Variants in GRID2 observed in about 807,000 individuals in gnomAD.
GRID2 encodes the protein glutamate ionotropic receptor delta type subunit 2, also known as glutamate receptor ionotropic, delta-2.
In GRID2, 33 loss-of-function variants were observed where a neutral mutation model predicts 114.8. The observed-to-expected ratio is 0.29, with a 90% CI of 0.22 to 0.38. The LOEUF (loss-of-function observed/expected upper bound fraction) is 0.38. Ranked by LOEUF, GRID2 falls within the 10% of genes least tolerant of loss-of-function variation. The probability of loss-of-function intolerance (pLI) is 1.00; values close to 1 mark genes in which losing one functional copy is unlikely to be tolerated. For synonymous variants in GRID2, 505 were observed against 449.9 expected, an observed-to-expected ratio of 1.12 and a Z score of -1.55; for missense variants, 1,184 against 1,257.7, an observed-to-expected ratio of 0.94 and a Z score of 0.89.
At chr4:93,483,477 C>T (rs1580210533) in intron 11 of GRID2, among the ~76,000 whole-genome samples, 1 of 151,748 alleles carries the variant, frequency 6.6e-6, no homozygotes, top group East Asian at 1.9e-4. Context: ...GTGGATTTAC[C>T]AAACAACCAA....
At chr4:92,946,786 A>G (rs1751668700) in intron 2 of GRID2, among the ~76,000 whole-genome samples, 1 of 152,076 alleles carries the variant, frequency 6.6e-6, no homozygotes. Context: ...GAACTTGGTA[A>G]AGCACTGGTT....
intron 2 of GRID2, among the ~76,000 whole-genome samples, chr4:92,595,875 C>T (rs1279192036): frequency 6.6e-6 from 1 of 152,052 alleles, no homozygotes; most frequent in African/African-American, 2.4e-5. Flanking sequence ...TCTAAATAGT[C>T]TAGTCCAAAG....
At chr4:92,955,834 T>A (rs945385869) in intron 2 of GRID2, among the ~76,000 whole-genome samples, 1 of 152,172 alleles carries the variant, frequency 6.6e-6, no homozygotes, top group East Asian at 1.9e-4. Context: ...TTTCTACATA[T>A]GGCTAGCCAG....
At chr4:92,559,963 A>G (rs1453842172) in intron 1 of GRID2, among the ~76,000 whole-genome samples, 1 of 152,228 alleles carries the variant, frequency 6.6e-6, no homozygotes, top group Non-Finnish European at 1.5e-5. Context: ...TCAAATCAGT[A>G]TAATTTTTAA....
intron 8 of GRID2, among the ~76,000 whole-genome samples, chr4:93,246,719 G>A (rs550091326): frequency 6.6e-6 from 1 of 151,880 alleles, no homozygotes; most frequent in Non-Finnish European, 1.5e-5. Context: ...AGCTCCATCA[G>A]CTTTTATTCT....
chr4:92,670,766 A>G (rs1733019095), intron 2 of GRID2, among the ~76,000 whole-genome samples: 1 of 152,042 alleles, frequency 6.6e-6, no homozygotes, highest in South Asian at 2.1e-4. Flanking sequence ...TGAAGTAGGT[A>G]GTATTGTTAT....
chr4:92,737,753 C>A (rs1736668604), intron 2 of GRID2, among the ~76,000 whole-genome samples: 1 of 152,086 alleles, frequency 6.6e-6, no homozygotes, highest in African/African-American at 2.4e-5. Flanking sequence ...ATAGGGTATT[C>A]TCAATATTTT....
intron 2 of GRID2, among the ~76,000 whole-genome samples, chr4:92,766,162 T>C (rs865804861): frequency 2.6e-5 from 4 of 152,304 alleles, no homozygotes; most frequent in Non-Finnish European, 2.9e-5. Context: ...TAAGTTAAAA[T>C]GACATTAGTC....
chr4:92,578,726 A>G (rs935560105), intron 1 of GRID2, among the ~76,000 whole-genome samples: 10 of 113,062 alleles, frequency 8.8e-5, no homozygotes, highest in African/African-American at 3.2e-4. Context: ...TTATCTATCT[A>G]TCTATCAATC....
chr4:93,365,697 A>G (rs183741831), intron 8 of GRID2, among the ~76,000 whole-genome samples: 2 of 152,170 alleles, frequency 1.3e-5, no homozygotes, highest in Non-Finnish European at 2.9e-5. Flanking sequence ...GATAGTTCTC[A>G]TATAGTTCAG....
chr4:93,749,087 C>T (rs1254415621), intron 14 of GRID2, among the ~76,000 whole-genome samples: 1 of 152,054 alleles, frequency 6.6e-6, no homozygotes, highest in Non-Finnish European at 1.5e-5. Context: ...GGGATCCCTG[C>T]TTTATTCCTC....
chr4:93,010,867 T>A (rs980528859), intron 2 of GRID2, among the ~76,000 whole-genome samples: 9 of 152,092 alleles, frequency 5.9e-5, no homozygotes, highest in African/African-American at 1.9e-4. Context: ...TTGTTTGAGT[T>A]TTCTTCATTT....
intron 2 of GRID2, among the ~76,000 whole-genome samples, chr4:92,717,994 TTATAG>T (rs1172248933): frequency 8.5e-5 from 13 of 152,288 alleles, no homozygotes; most frequent in Admixed American, 6.5e-5. Context: ...TCATACAAAA[TTATAG>T]TATATTTACT....
At chr4:92,459,701 A>G (rs1481142000) in intron 1 of GRID2, among the ~76,000 whole-genome samples, 1 of 151,978 alleles carries the variant, frequency 6.6e-6, no homozygotes, top group Admixed American at 6.6e-5. Context: ...GGCTAATTTC[A>G]TGTATCAAGC....
chr4:92,943,065 G>C (rs1022456561), intron 2 of GRID2, among the ~76,000 whole-genome samples: 1 of 152,014 alleles, frequency 6.6e-6, no homozygotes, highest in Non-Finnish European at 1.5e-5. Context: ...TGCTCTTCTC[G>C]AGGAGTATCT....
chr4:93,534,926 A>T (rs2149519083), intron 13 of GRID2, among the ~76,000 whole-genome samples: 1 of 151,030 alleles, frequency 6.6e-6, no homozygotes, highest in African/African-American at 2.4e-5. Flanking sequence ...GTTATTAATC[A>T]TAGTCACCAT....
chr4:93,021,102 C>G (rs970086258), intron 2 of GRID2, among the ~76,000 whole-genome samples: 1 of 151,052 alleles, frequency 6.6e-6, no homozygotes, highest in South Asian at 2.1e-4. Flanking sequence ...TAAGGGCAGG[C>G]CCATTAATAA....
chr4:92,811,353 A>G (rs1740655066), intron 2 of GRID2, among the ~76,000 whole-genome samples: 1 of 151,736 alleles, frequency 6.6e-6, no homozygotes, highest in South Asian at 2.1e-4. Context: ...TCATACCCAA[A>G]TTTTCTTTTA....
chr4:92,652,114 G>T (rs1731963352), intron 2 of GRID2, among the ~76,000 whole-genome samples: 1 of 152,016 alleles, frequency 6.6e-6, no homozygotes, highest in Admixed American at 6.6e-5. Flanking sequence ...TTATGGTGTG[G>T]TGAGTCAGAT....
Sources: allele counts gnomAD v4.1 joint callset (sites outside exome capture counted in the v4.1 genomes callset), GRCh38; gene constraint gnomAD v4.1.1; transcripts MANE v1.5; gene names NCBI Gene and HGNC (gene_info 2026-07-23, HGNC 2026-07-21).